The following IPMK variants were observed in gnomAD, a reference collection of about 807,000 sequenced individuals.
IPMK encodes the protein inositol polyphosphate multikinase.
In IPMK, 17 loss-of-function variants were observed where a neutral mutation model predicts 45.8. The ratio of observed to expected loss-of-function variants is 0.37; its 90% CI spans 0.25 to 0.56. The LOEUF is 0.56. Ranked by LOEUF, IPMK falls within the 20% of genes least tolerant of loss-of-function variation. The pLI is 0.79. For synonymous variants in IPMK, 180 were observed against 184.3 expected (o/e 0.98, Z 0.19); for missense variants, 399 against 498.0 (o/e 0.80, Z 1.89).
At position 58,195,035 on chromosome 10, in the gene IPMK, C is replaced by CG. The variant is rs1294136969; in HGVS notation, c.*1040dup. ...TAGATACGCACCAAACCCTATATTACGGACTAATTTACACACAGTATTTTT... is the reference window on the plus strand; with the variant it reads ...TAGATACGCACCAAACCCTATATTACGGGACTAATTTACACACAGTATTTTT... On this transcript the variant is annotated 3_prime_UTR_variant, in exon 6 of 6. Coordinates refer to ENST00000373935, the MANE Select transcript of IPMK (RefSeq NM_152230.5). 3 of 151,872 alleles carry CG rather than the reference C, an allele frequency of 2.0e-5. No homozygotes were observed. Among genetic ancestry groups the CG allele is most frequent in the Non-Finnish European group, 4.4e-5 (3 of 67,860 alleles). The allele number at this position is 151,872 out of a possible 1,614,324, so 9.4% of individuals were successfully genotyped here.
At chr10:58,205,493 G>A (rs1445748121) in intron 4 of IPMK, among the ~76,000 whole-genome samples, 5 of 152,066 alleles carry the variant, frequency 3.3e-5, no homozygotes. Context: ...ATGGCTTATA[G>A]CAGAAAAACA....
chr10:58,252,066 A>C (rs1440013327), intron 1 of IPMK, among the ~76,000 whole-genome samples: 1 of 151,868 alleles, frequency 6.6e-6, no homozygotes, highest in Non-Finnish European at 1.5e-5. Context: ...TTTTCCACTT[A>C]CTGTCTTCCT....
At chr10:58,240,900 C>T (rs1838687146) in intron 1 of IPMK, among the ~76,000 whole-genome samples, 1 of 152,118 alleles carries the variant, frequency 6.6e-6, no homozygotes, top group Non-Finnish European at 1.5e-5. Context: ...AAGTGACCAT[C>T]AGAGGTACAG....
At chr10:58,239,518 AT>A (rs1375757827) in intron 1 of IPMK, among the ~76,000 whole-genome samples, 3 of 152,186 alleles carry the variant, frequency 2.0e-5, no homozygotes, top group Non-Finnish European at 4.4e-5. Context: ...AGACAAATAC[AT>A]TTTATCAGGC....
chr10:58,219,374 G>T (rs575487771), intron 3 of IPMK, among the ~76,000 whole-genome samples: 26 of 152,172 alleles, frequency 1.7e-4, no homozygotes, highest in African/African-American at 6.0e-4. Context: ...TAGAAAAACA[G>T]GGCATGATCT....
At chr10:58,205,142 G>A (rs1328049908) in intron 4 of IPMK, among the ~76,000 whole-genome samples, 2 of 152,052 alleles carry the variant, frequency 1.3e-5, no homozygotes, top group Non-Finnish European at 1.5e-5. Flanking sequence ...AGAAAAATAG[G>A]AGTAAATCTT....
intron 1 of IPMK, among the ~76,000 whole-genome samples, chr10:58,247,271 G>C (rs1838815845): frequency 6.6e-6 from 1 of 150,438 alleles, no homozygotes. Context: ...TCTAGAACTA[G>C]AAATACCATT....
intron 1 of IPMK, among the ~76,000 whole-genome samples, chr10:58,255,914 T>C (rs1232931879): frequency 6.6e-6 from 1 of 152,212 alleles, no homozygotes; most frequent in East Asian, 1.9e-4. Flanking sequence ...TGAACAGAAA[T>C]TGTTAAGATT....
At chr10:58,205,744 G>A (rs1054719199) in intron 4 of IPMK, among the ~76,000 whole-genome samples, 4 of 152,132 alleles carry the variant, frequency 2.6e-5, no homozygotes, top group African/African-American at 4.8e-5. Context: ...CTACTCAGGT[G>A]ATGAGTACGC....
intron 4 of IPMK, chr10:58,212,739 G>T: frequency 4.3e-6 from 1 of 233,562 alleles, no homozygotes; most frequent in South Asian, 6.7e-5. Context: ...GTTTGCCTTT[G>T]ATTGTTTTCA....
chr10:58,220,060 G>T (rs1838308411), intron 3 of IPMK, among the ~76,000 whole-genome samples: 1 of 152,190 alleles, frequency 6.6e-6, no homozygotes, highest in African/African-American at 2.4e-5. Context: ...CACAGTCACT[G>T]ACTGGGGCAG....
At chr10:58,225,456 T>C (rs759538847) in intron 3 of IPMK, among the ~76,000 whole-genome samples, 2 of 152,140 alleles carry the variant, frequency 1.3e-5, no homozygotes, top group African/African-American at 2.4e-5. Flanking sequence ...AAAAGGTTGA[T>C]TACTAGCAAT....
At position 58,193,773 on chromosome 10, in the gene IPMK, G is replaced by A. The variant is rs1837850388; in HGVS notation, c.*2303C>T. ...ATTTACATGTTCAAATATACTTGGT[G>A]AATAGCGATCATTCATCCCCACAGT... On this transcript the variant is annotated 3_prime_UTR_variant, in exon 6 of 6. Coordinates refer to ENST00000373935, the MANE Select transcript of IPMK (RefSeq NM_152230.5). 6.6e-6 allele frequency: 1 copy of A among 151,736 alleles called. No individual in the cohort carries two copies. Among genetic ancestry groups the A allele is most frequent in the African/African-American group, 2.4e-5 (1 of 41,394 alleles). The allele number at this position is 151,736 out of a possible 1,614,324, so 9.4% of individuals were successfully genotyped here. A position where few individuals can be genotyped will look rare whatever the true frequency, so the allele number is the denominator to read the frequency against.
intron 2 of IPMK, among the ~76,000 whole-genome samples, chr10:58,227,623 T>C (rs184708531): frequency 2.0e-5 from 3 of 152,276 alleles, no homozygotes; most frequent in Admixed American, 6.5e-5. Context: ...TTAAAGCAAA[T>C]CTTTAACACA....
chr10:58,195,805 G>C lies in IPMK; in HGVS notation c.*271C>G, dbSNP rs1200354430. The C allele has an allele frequency of 3.1e-6, 1 of 323,474 alleles. No homozygotes were observed. The highest frequency in any genetic ancestry group is 4.6e-5 in the Admixed American group (1 of 21,764). The allele number at this position is 323,474 out of a possible 1,614,324, so 20.0% of individuals were successfully genotyped here. On this transcript the variant is annotated 3_prime_UTR_variant, in exon 6 of 6. Transcript: ENST00000373935. ...ATGACTGAATAATGGTTTGCATTTT[G>C]CTTGAGCCAAAAAAGATGTTTAAGC...
chr10:58,223,381 A>G (rs1302786858), intron 3 of IPMK, among the ~76,000 whole-genome samples: 1 of 152,154 alleles, frequency 6.6e-6, no homozygotes, highest in Non-Finnish European at 1.5e-5. Flanking sequence ...CGAAAAATCT[A>G]CAGATCACTA....
intron 1 of IPMK, among the ~76,000 whole-genome samples, chr10:58,261,840 A>G (rs1839073147): frequency 6.6e-6 from 1 of 152,212 alleles, no homozygotes; most frequent in Non-Finnish European, 1.5e-5. Flanking sequence ...CTGGGATTAC[A>G]GGCATGAGCC....
At chr10:58,200,366 G>A (rs1374520038) in intron 4 of IPMK, among the ~76,000 whole-genome samples, 2 of 152,064 alleles carry the variant, frequency 1.3e-5, no homozygotes, top group Non-Finnish European at 2.9e-5. Context: ...CGATCCACCC[G>A]CCTCAGCCTC....
chr10:58,256,953 T>C (rs1208044804), intron 1 of IPMK, among the ~76,000 whole-genome samples: 1 of 152,104 alleles, frequency 6.6e-6, no homozygotes, highest in Non-Finnish European at 1.5e-5. Context: ...TGGTCTCAGC[T>C]ACTTAAGGGG....
Sources: gnomAD v4.1 joint callset for allele counts (sites outside exome capture counted in the v4.1 genomes callset) on GRCh38, gnomAD v4.1.1 for gene constraint, MANE v1.5 for transcripts, NCBI Gene and HGNC (gene_info 2026-07-23, HGNC 2026-07-21) for gene names.